The following MPRIP variants were observed in gnomAD, a reference collection of about 807,000 sequenced individuals.
The protein encoded by MPRIP is myosin phosphatase Rho-interacting protein.
In MPRIP, 59 loss-of-function variants were observed where a neutral mutation model predicts 234.9. The ratio of observed to expected loss-of-function variants is 0.25; its 90% confidence interval spans 0.20 to 0.31. The LOEUF is 0.31. Among genes scored for constraint, MPRIP ranks in the 10% least tolerant of loss-of-function variants. The pLI is 1.00. For synonymous variants in MPRIP, 1,144 were observed against 1,263.9 expected (o/e 0.91, Z 2.01); for missense variants, 2,436 against 3,071.0 (o/e 0.79, Z 4.89).
chr17:17,057,772 C>T (rs2088749560), intron 1 of MPRIP: 2 of 709,234 alleles, frequency 2.8e-6, no homozygotes, highest in Non-Finnish European at 5.2e-6. Flanking sequence ...CCATCCTACA[C>T]CCGAGGTGGC....
intron 10 of MPRIP, 125 bp from the exon 11 acceptor site, chr17:17,147,194 C>G: frequency 1.1e-6 from 1 of 871,450 alleles, no homozygotes; most frequent in Non-Finnish European, 1.9e-6. Context: ...GAGGGGCCAG[C>G]CTGTCCCCTG....
chr17:17,192,258 C>T lies in MPRIP; in HGVS notation c.*7364C>T, dbSNP rs2046602764. 1 of 152,112 alleles carries T rather than the reference C, an allele frequency of 6.6e-6. No individual in the cohort carries two copies. The highest frequency in any genetic ancestry group is 2.1e-4 in the South Asian group (1 of 4,826). The allele number at this position is 152,112 out of a possible 1,614,324, so 9.4% of individuals were successfully genotyped here. A position where few individuals can be genotyped will look rare whatever the true frequency, so the allele number is the denominator to read the frequency against. ...TCTAATGCTAAGTGGTAACGCTTAA[C>T]AAACAGACTAAAAGCTGTGTGCAGA... On this transcript the variant is annotated 3_prime_UTR_variant, in exon 24 of 24. Transcript: ENST00000651222.
chr17:17,043,677 C>G (rs73277607), intron 1 of MPRIP, among the ~76,000 whole-genome samples: 10,005 of 152,176 alleles, frequency 0.066, 399 homozygotes, highest in African/African-American at 0.1. Context: ...AGTTCTGGGG[C>G]CCCCGCCCTG....
intron 3 of MPRIP, among the ~76,000 whole-genome samples, chr17:17,116,983 C>T (rs1171420703): frequency 6.6e-6 from 1 of 152,190 alleles, no homozygotes; most frequent in Non-Finnish European, 1.5e-5. Context: ...CATCTTAGCA[C>T]AAGTAGATGG....
chr17:17,146,077 G>A lies in MPRIP; in HGVS notation c.1545G>A (p.Gln515=), dbSNP rs2045458423. Residue 515 remains glutamine (Q), a synonymous_variant, in exon 10 of 24, where the codon CAG becomes CAA. Coordinates refer to ENST00000651222, the MANE Select transcript of MPRIP (RefSeq NM_001364716.4). The part of the protein sequence containing the change: ...LNFKKGWLTK[Q]YEDGQWKKHW... ...TCAAGAAAGGCTGGCTGACTAAGCA[G>A]TATGAGGACGGCCAGGTGAGTGTGC... 1 of 1,614,078 alleles carries A rather than the reference G, an allele frequency of 6.2e-7. No homozygotes were observed. The highest frequency in any genetic ancestry group is 8.5e-7 in the Non-Finnish European group (1 of 1,180,018).
At chr17:17,147,049 T>C (rs1474172041) in intron 10 of MPRIP, among the ~76,000 whole-genome samples, 1 of 152,104 alleles carries the variant, frequency 6.6e-6, no homozygotes, top group Non-Finnish European at 1.5e-5. Context: ...CCATTGGTCA[T>C]AGAGCCCACA....
chr17:17,164,033 T>C (rs1039160621), intron 15 of MPRIP, 76 bp from the exon 16 acceptor site: 1 of 1,062,104 alleles, frequency 9.4e-7, no homozygotes, highest in Non-Finnish European at 1.3e-6. Context: ...TCTGTGGTTG[T>C]TCCTGGCCAG....
intron 9 of MPRIP, among the ~76,000 whole-genome samples, chr17:17,143,998 T>C (rs979557076): frequency 6.6e-6 from 1 of 152,210 alleles, no homozygotes; most frequent in African/African-American, 2.4e-5. Context: ...GCTTTGGGCA[T>C]TGCTTTTTGT....
intron 1 of MPRIP, among the ~76,000 whole-genome samples, chr17:17,049,617 G>A (rs772403649): frequency 2.6e-5 from 4 of 152,196 alleles, no homozygotes; most frequent in Non-Finnish European, 4.4e-5. Context: ...CAGGTCGGTG[G>A]TTTTCAAGCT....
At chr17:17,137,380 G>T (rs992580365) in intron 6 of MPRIP, among the ~76,000 whole-genome samples, 1 of 152,106 alleles carries the variant, frequency 6.6e-6, no homozygotes, top group Non-Finnish European at 1.5e-5. Flanking sequence ...CAGATGTGGG[G>T]GTGCACACCT....
chr17:17,126,489 G>A (rs1309811620), intron 3 of MPRIP, among the ~76,000 whole-genome samples: 1 of 152,280 alleles, frequency 6.6e-6, no homozygotes, highest in African/African-American at 2.4e-5. Flanking sequence ...TCTCCACGTA[G>A]GAGGGATGTT....
At position 17,164,572 on chromosome 17, in the gene MPRIP, A is replaced by G; in HGVS notation, c.2981A>G (p.Gln994Arg). Residue 994 changes from glutamine (Q) to arginine (R), a missense_variant, in exon 16 of 24, where the codon CAG becomes CGG. By Grantham distance (43) the Gln-to-Arg change is conservative. Around this residue, in one of 4 missense-constraint regions of MPRIP, gnomAD observed 1,998 missense variants for 2,520.3 expected, o/e 0.79. Transcript: ENST00000651222. ...CGGCAGAAGGAGGTCCAGAGGCTGCAGGAGCGCATTGCCGACCTCAGCCAG... is the reference window on the plus strand; with the variant it reads ...CGGCAGAAGGAGGTCCAGAGGCTGCGGGAGCGCATTGCCGACCTCAGCCAG... ...RDRQKEVQRL[Q>R]ERIADLSQQL... The G allele has an allele frequency of 8.3e-7, 1 of 1,211,184 alleles. No homozygotes were observed. Among genetic ancestry groups the G allele is most frequent in the Non-Finnish European group, 1.1e-6 (1 of 947,194 alleles). The allele number at this position is 1,211,184 out of a possible 1,614,324, so 75.0% of individuals were successfully genotyped here.
chr17:17,138,225 C>T lies in MPRIP; in HGVS notation c.1046C>T (p.Thr349Ile). Residue 349 changes from threonine (T) to isoleucine (I), a missense_variant, in exon 7 of 24, where the codon ACT becomes ATT. Thr to Ile is a moderately conservative substitution (Grantham distance 89). Coordinates refer to ENST00000651222, the MANE Select transcript of MPRIP (RefSeq NM_001364716.4). The surrounding 1 kb of genome is among the most constrained non-coding windows in gnomAD (Gnocchi z 5.8). The stretch of plus-strand genomic sequence containing the variant: ...CCTGCCTACGTGGACTCTGGCAGCA[C>T]TAGGGGGCGGGGGACAGAGAGACTG... ...QPPAYVDSGS[T>I]RGRGTERLGS... 3 of 684,498 alleles carry T rather than the reference C, an allele frequency of 4.4e-6. No individual in the cohort carries two copies. The highest frequency in any genetic ancestry group is 6.2e-4 in the Middle Eastern group (2 of 3,208). 42.4% of individuals were successfully genotyped at this position (684,498 alleles called of 1,614,324 possible). A position where few individuals can be genotyped will look rare whatever the true frequency, so the allele number is the denominator to read the frequency against.
rs1358564484 is a variant in MPRIP, at chr17:17,042,866, G to A, written c.18G>A (p.Glu6=). 1 of 1,596,546 alleles carries A rather than the reference G, an allele frequency of 6.3e-7. No homozygotes were observed. Among genetic ancestry groups the A allele is most frequent in the Admixed American group, 1.7e-5 (1 of 58,556 alleles). The change falls in exon 1 of 24, where the codon GAG becomes GAA. Residue 6 remains glutamate (E), a synonymous_variant. Transcript: ENST00000651222. MSAAK[E]NPCRKFQANI... The stretch of plus-strand genomic sequence containing the variant: ...CGCCGACCATGTCGGCAGCCAAGGA[G>A]AACCCGTGCAGGAAATTCCAGGCCA...
intron 6 of MPRIP, among the ~76,000 whole-genome samples, 185 bp downstream of exon 6, chr17:17,136,635 T>G (rs1034718022): frequency 2.0e-5 from 3 of 152,242 alleles, no homozygotes; most frequent in Non-Finnish European, 4.4e-5. Context: ...GCTCCAGTCT[T>G]GGCCTTGCCC....
At chr17:17,098,299 G>A (rs1318810275) in intron 3 of MPRIP, among the ~76,000 whole-genome samples, 1 of 152,086 alleles carries the variant, frequency 6.6e-6, no homozygotes, top group Admixed American at 6.5e-5. Flanking sequence ...CACCCATTTG[G>A]CCTTTTGGAA....
intron 22 of MPRIP, among the ~76,000 whole-genome samples, chr17:17,178,931 A>G (rs982152661): frequency 6.9e-6 from 1 of 144,824 alleles, no homozygotes; most frequent in African/African-American, 2.8e-5. Context: ...AAAAAAAAGA[A>G]AAAAAAAACC....
chr17:17,136,516 G>GCT, intron 6 of MPRIP, 66 bp downstream of exon 6: 1 of 1,483,990 alleles, frequency 6.7e-7, no homozygotes, highest in Non-Finnish European at 9.2e-7. Flanking sequence ...AGCTGGCCCT[G>GCT]GGGATTCAGC....
chr17:17,176,312 G>A (rs1355523651), intron 20 of MPRIP, 114 bp from the exon 21 acceptor site: 1 of 777,814 alleles, frequency 1.3e-6, no homozygotes, highest in Non-Finnish European at 2.3e-6. Flanking sequence ...GGCACCACGA[G>A]GCTGCCCTGC....
Sources: allele counts gnomAD v4.1 joint callset (sites outside exome capture counted in the v4.1 genomes callset), GRCh38; gene constraint gnomAD v4.1.1; regional missense constraint gnomAD v4.1.1; non-coding constraint Gnocchi (gnomAD v3.1); transcripts MANE v1.5; gene names NCBI Gene and HGNC (gene_info 2026-07-23, HGNC 2026-07-21).